APPBP2: variants seen among roughly 807,000 people sequenced by gnomAD.
The protein encoded by APPBP2 is amyloid beta precursor protein binding protein 2, also known as amyloid protein-binding protein 2.
In APPBP2, 15 loss-of-function variants were observed where a neutral mutation model predicts 76.0. That is an observed-to-expected ratio of 0.20 (90% CI 0.13 to 0.30). The LOEUF is 0.30. APPBP2 is among the 10% of genes least tolerant of loss of function. The pLI is 1.00. For missense variants in APPBP2, 401 were observed against 687.2 expected (o/e 0.58, Z 4.66); for synonymous variants, 222 against 242.2 (o/e 0.92, Z 0.77).
intron 11 of APPBP2, among the ~76,000 whole-genome samples, chr17:60,453,009 TG>T (rs1437414133): frequency 6.6e-6 from 1 of 152,200 alleles, no homozygotes; most frequent in Non-Finnish European, 1.5e-5. Flanking sequence ...TGATAATACT[TG>T]TTGCAATATC....
intron 2 of APPBP2, among the ~76,000 whole-genome samples, chr17:60,497,603 A>C (rs2090787042): frequency 6.6e-6 from 1 of 152,182 alleles, no homozygotes; most frequent in Non-Finnish European, 1.5e-5. Context: ...ATCTTATGTA[A>C]CCCATAAATA....
In APPBP2 at chr17:60,444,752, G is replaced by A. The variant is rs1038255724; in HGVS notation, c.*2829C>T. The A allele has an allele frequency of 5.2e-5, 8 of 152,588 alleles. No homozygotes were observed. Among genetic ancestry groups the A allele is most frequent in the African/African-American group, 1.4e-4 (6 of 41,528 alleles). 9.5% of individuals were successfully genotyped at this position (152,588 alleles called of 1,614,324 possible). On this transcript the variant is annotated 3_prime_UTR_variant, in exon 13 of 13. Coordinates refer to ENST00000083182, the MANE Select transcript of APPBP2 (RefSeq NM_006380.5). ...TGCAGGCATGAGTGGCCACCTGAGC[G>A]ACACATGCGAGTGCTGACGGAGCTC...
rs2143268643 is a variant in APPBP2 at position 60,446,550 on chromosome 17, A to G, written c.*1031T>C. The G allele has an allele frequency of 6.6e-6, 1 of 152,302 alleles. No individual in the cohort carries two copies. The highest frequency in any genetic ancestry group is 2.1e-4 in the South Asian group (1 of 4,826). 9.4% of individuals were successfully genotyped at this position (152,302 alleles called of 1,614,324 possible). On this transcript the variant is annotated 3_prime_UTR_variant, in exon 13 of 13. Transcript: ENST00000083182. The stretch of plus-strand genomic sequence containing the variant: ...TAACATTTCCATCTGAACATGAACT[A>G]TTTCATGACACACAGCCAATATACT...
At position 60,456,399 on chromosome 17, in the gene APPBP2, A is replaced by T; in HGVS notation, c.1062-18T>A. On this transcript the variant is annotated intron_variant, in intron 9 of 12. Coordinates refer to ENST00000083182, the MANE Select transcript of APPBP2 (RefSeq NM_006380.5). ...CATGAAATCTGTAATACAGATAGAT[A>T]CAGTCTGGCATTTCTTTTTAGTTAC... is the stretch of plus-strand genomic sequence containing the variant. 3.4e-6 allele frequency: 5 copies of T among 1,450,746 alleles called. No individual in the cohort carries two copies. The highest frequency in any genetic ancestry group is 2.3e-5 in the East Asian group (1 of 43,998). The allele number at this position is 1,450,746 out of a possible 1,614,324, so 89.9% of individuals were successfully genotyped here. A position where few individuals can be genotyped will look rare whatever the true frequency, so the allele number is the denominator to read the frequency against.
chr17:60,466,649 C>G (rs914660964), intron 4 of APPBP2, among the ~76,000 whole-genome samples, 190 bp from the exon 5 acceptor site: 4 of 152,090 alleles, frequency 2.6e-5, no homozygotes, highest in Admixed American at 2.0e-4. Flanking sequence ...TTCCTGAAAG[C>G]GTCCCATAAT....
chr17:60,490,978 A>G (rs2090724381), intron 3 of APPBP2, among the ~76,000 whole-genome samples: 1 of 152,194 alleles, frequency 6.6e-6, no homozygotes, highest in Admixed American at 6.5e-5. Context: ...ATGAACTAAT[A>G]AAGTAAACTG....
At chr17:60,503,086 C>T (rs2090835538) in intron 1 of APPBP2, among the ~76,000 whole-genome samples, 1 of 141,516 alleles carries the variant, frequency 7.1e-6, no homozygotes, top group South Asian at 2.1e-4. Context: ...GATCTCAGCT[C>T]ACTGCAACCT....
intron 1 of APPBP2, among the ~76,000 whole-genome samples, chr17:60,517,969 A>T (rs1173622557): frequency 2.0e-5 from 3 of 151,882 alleles, no homozygotes; most frequent in Non-Finnish European, 4.4e-5. Context: ...CCTTTTTCAA[A>T]CTGATTAGTA....
At chr17:60,472,109 G>T (rs982290806) in intron 4 of APPBP2, among the ~76,000 whole-genome samples, 2 of 152,136 alleles carry the variant, frequency 1.3e-5, no homozygotes, top group Non-Finnish European at 2.9e-5. Context: ...CTGGGCAAAA[G>T]AGTAAGACTC....
At chr17:60,467,303 C>T (rs1345925929) in intron 4 of APPBP2, among the ~76,000 whole-genome samples, 2 of 152,142 alleles carry the variant, frequency 1.3e-5, no homozygotes, top group Non-Finnish European at 2.9e-5. Context: ...AGGAAGTATT[C>T]CTCAGGAGCA....
At chr17:60,484,208 C>T (rs942315997) in intron 3 of APPBP2, among the ~76,000 whole-genome samples, 7 of 152,076 alleles carry the variant, frequency 4.6e-5, no homozygotes, top group African/African-American at 9.7e-5. Flanking sequence ...CTTGGCAATG[C>T]GGGCTCTTTT....
At chr17:60,488,525 C>T (rs1340611940) in intron 3 of APPBP2, among the ~76,000 whole-genome samples, 3 of 152,152 alleles carry the variant, frequency 2.0e-5, no homozygotes, top group Non-Finnish European at 4.4e-5. Flanking sequence ...GGAGTGACTG[C>T]TAATGGGTAC....
chr17:60,515,179 G>A (rs555184459), intron 1 of APPBP2, among the ~76,000 whole-genome samples: 2 of 144,782 alleles, frequency 1.4e-5, no homozygotes, highest in African/African-American at 5.2e-5. Context: ...GCAGTGGCAC[G>A]ATCTCAGCTC....
At chr17:60,456,518 T>A in intron 9 of APPBP2, 137 bp from the exon 10 acceptor site, 1 of 636,810 alleles carries the variant, frequency 1.6e-6, no homozygotes, top group Non-Finnish European at 2.7e-6. Flanking sequence ...CAGCTTTTTG[T>A]TTTAAATTTC....
At chr17:60,516,805 TGA>T (rs1747557333) in intron 1 of APPBP2, among the ~76,000 whole-genome samples, 1 of 152,214 alleles carries the variant, frequency 6.6e-6, no homozygotes, top group East Asian at 1.9e-4. Context: ...TAACAATGTA[TGA>T]GAGTTTTTTA....
At chr17:60,522,567 T>C (rs1213269377) in intron 1 of APPBP2, among the ~76,000 whole-genome samples, 1 of 152,316 alleles carries the variant, frequency 6.6e-6, no homozygotes, top group South Asian at 2.1e-4. Flanking sequence ...GCGATCCTTC[T>C]GCTTCAGCTT....
Position 60,500,444 on chromosome 17 carries a change from C to A in APPBP2, c.182G>T (p.Cys61Phe). ...GRLCQLGSEF[C>F]ELEVFAKVLR... Reference sequence around the variant, plus strand: ...TACTTTAGCAAAAACTTCCAATTCACAAAATTCACTGCCCAGTTGACATAA... The same window carrying A: ...TACTTTAGCAAAAACTTCCAATTCAAAAAATTCACTGCCCAGTTGACATAA... The change falls in exon 2 of 13, where the codon TGT becomes TTT. Residue 61 changes from cysteine to phenylalanine, a missense_variant. This residue lies in a region of APPBP2 where 149 missense variants were observed against 198.4 expected (regional missense o/e 0.75). Coordinates refer to ENST00000083182, the MANE Select transcript of APPBP2 (RefSeq NM_006380.5). 1 of 1,611,138 alleles carries A rather than the reference C, an allele frequency of 6.2e-7. No homozygotes were observed. Among genetic ancestry groups the A allele is most frequent in the South Asian group, 1.1e-5 (1 of 90,098 alleles).
intron 1 of APPBP2, among the ~76,000 whole-genome samples, chr17:60,501,802 G>A (rs970188452): frequency 6.6e-6 from 1 of 152,084 alleles, no homozygotes; most frequent in Non-Finnish European, 1.5e-5. Flanking sequence ...CTTGGTGCAT[G>A]GAAAACATAA....
At chr17:60,501,037 G>A (rs2090819009) in intron 1 of APPBP2, among the ~76,000 whole-genome samples, 1 of 152,148 alleles carries the variant, frequency 6.6e-6, no homozygotes, top group Admixed American at 6.6e-5. Flanking sequence ...TTTTAAGGCT[G>A]GGCGCTGTGG....
Sources: allele counts gnomAD v4.1 joint callset (sites outside exome capture counted in the v4.1 genomes callset), GRCh38; gene constraint gnomAD v4.1.1; regional missense constraint gnomAD v4.1.1; transcripts MANE v1.5; gene names NCBI Gene and HGNC (gene_info 2026-07-23, HGNC 2026-07-21).